WWOX: variants seen among roughly 807,000 people sequenced by gnomAD.
WWOX encodes WW domain-containing oxidoreductase.
A neutral mutation model predicts 46.2 loss-of-function variants in WWOX; 69 were observed. The ratio of observed to expected loss-of-function variants is 1.49; its 90% CI spans 1.23 to 1.82. The LOEUF (loss-of-function observed/expected upper bound fraction) is 1.82, where lower values mean the gene tolerates loss of function less well. Ranked by LOEUF, WWOX falls within the 40% of genes most tolerant of loss-of-function variation. The pLI, the probability that WWOX is intolerant of heterozygous loss-of-function variation, is 0.00. For missense variants in WWOX, 919 were observed against 542.6 expected (o/e 1.69, Z -6.89); for synonymous variants, 359 against 202.6 (o/e 1.77, Z -6.56).
At chr16:78,580,300 C>T (rs1398747065) in intron 8 of WWOX, among the ~76,000 whole-genome samples, 1 of 152,112 alleles carries the variant, frequency 6.6e-6, no homozygotes, top group East Asian at 1.9e-4. Context: ...CCTCAAACTC[C>T]TGCAGTACAG....
intron 5 of WWOX, among the ~76,000 whole-genome samples, chr16:78,324,979 T>C (rs2080579803): frequency 6.6e-6 from 1 of 152,186 alleles, no homozygotes; most frequent in Non-Finnish European, 1.5e-5. Flanking sequence ...TAATCTTTGC[T>C]CCCAGAGAAA....
At chr16:78,638,456 T>G (rs1289578379) in intron 8 of WWOX, among the ~76,000 whole-genome samples, 2 of 152,084 alleles carry the variant, frequency 1.3e-5, no homozygotes, top group Non-Finnish European at 2.9e-5. Context: ...GCAAGCAACA[T>G]CTGAAAGGCC....
intron 5 of WWOX, among the ~76,000 whole-genome samples, chr16:78,311,552 C>T (rs1458337742): frequency 6.6e-6 from 1 of 152,132 alleles, no homozygotes; most frequent in African/African-American, 2.4e-5. Context: ...ACTGGCAATG[C>T]CGTAACAGTG....
At chr16:78,613,247 C>G (rs961156659) in intron 8 of WWOX, among the ~76,000 whole-genome samples, 41 of 152,168 alleles carry the variant, frequency 2.7e-4, no homozygotes, top group Admixed American at 1.8e-3. Flanking sequence ...CCCAACATCT[C>G]TACCTTCTCC....
chr16:78,104,532 C>T (rs1044949380), intron 1 of WWOX, among the ~76,000 whole-genome samples: 4 of 152,038 alleles, frequency 2.6e-5, no homozygotes, highest in South Asian at 4.2e-4. Flanking sequence ...ACACCCCATA[C>T]GTGGAAGTGT....
chr16:78,231,771 G>T (rs771733277), intron 5 of WWOX, among the ~76,000 whole-genome samples: 3 of 152,140 alleles, frequency 2.0e-5, no homozygotes, highest in Non-Finnish European at 4.4e-5. Context: ...GAAATCCAGG[G>T]TAGGAACGGG....
chr16:79,013,009 C>T (rs1232094523), intron 8 of WWOX, among the ~76,000 whole-genome samples: 1 of 152,168 alleles, frequency 6.6e-6, no homozygotes, highest in Non-Finnish European at 1.5e-5. Flanking sequence ...TTGGAGGTTG[C>T]AGTGAGCTGA....
At chr16:78,441,353 G>A (rs942890679) in intron 8 of WWOX, among the ~76,000 whole-genome samples, 2 of 152,166 alleles carry the variant, frequency 1.3e-5, no homozygotes, top group Non-Finnish European at 2.9e-5. Context: ...AAGATGACCA[G>A]GTGCTGAATC....
intron 8 of WWOX, among the ~76,000 whole-genome samples, chr16:78,711,384 A>G (rs780970354): frequency 6.6e-6 from 1 of 152,194 alleles, no homozygotes; most frequent in East Asian, 1.9e-4. Context: ...ATATCTGGCC[A>G]CTGTATATGC....
chr16:78,453,686 G>A (rs572289315), intron 8 of WWOX, among the ~76,000 whole-genome samples: 6 of 152,156 alleles, frequency 3.9e-5, no homozygotes, highest in African/African-American at 1.4e-4. Flanking sequence ...ATTTTAATCA[G>A]TGCTGTATCA....
At chr16:79,091,144 G>C (rs921405572) in intron 8 of WWOX, among the ~76,000 whole-genome samples, 5 of 152,072 alleles carry the variant, frequency 3.3e-5, no homozygotes, top group Non-Finnish European at 7.3e-5. Context: ...GTTTTATTTG[G>C]TTCTGCCCAG....
At chr16:78,248,682 G>C (rs2037893874) in intron 5 of WWOX, among the ~76,000 whole-genome samples, 1 of 151,998 alleles carries the variant, frequency 6.6e-6, no homozygotes, top group Admixed American at 6.6e-5. Flanking sequence ...GTTGCAGTGA[G>C]GTGAGATCGC....
intron 8 of WWOX, among the ~76,000 whole-genome samples, chr16:78,448,936 C>T (rs1200217967): frequency 6.6e-6 from 1 of 152,192 alleles, no homozygotes; most frequent in Non-Finnish European, 1.5e-5. Flanking sequence ...GGTCGGCTAT[C>T]TTGCTTCTAA....
At chr16:78,752,695 C>T (rs2049516535) in intron 8 of WWOX, among the ~76,000 whole-genome samples, 1 of 152,222 alleles carries the variant, frequency 6.6e-6, no homozygotes, top group South Asian at 2.1e-4. Context: ...AGTGGTTTAG[C>T]ATTTATGGAG....
intron 8 of WWOX, among the ~76,000 whole-genome samples, chr16:78,741,421 G>C (rs1283756491): frequency 6.6e-6 from 1 of 152,130 alleles, no homozygotes; most frequent in Admixed American, 6.5e-5. Flanking sequence ...AATAGCTGGC[G>C]TGGTGGCGCA....
intron 5 of WWOX, among the ~76,000 whole-genome samples, chr16:78,364,625 C>T (rs2081491564): frequency 6.8e-6 from 1 of 147,508 alleles, no homozygotes; most frequent in African/African-American, 2.5e-5. Context: ...GTCGTGACTG[C>T]AGCTGACATT....
chr16:78,233,675 T>C (rs972091787), intron 5 of WWOX, among the ~76,000 whole-genome samples: 6 of 152,048 alleles, frequency 3.9e-5, no homozygotes, highest in African/African-American at 7.2e-5. Context: ...TACAGGCGCC[T>C]GCCACTACAC....
At chr16:78,813,665 C>T (rs2051256905) in intron 8 of WWOX, among the ~76,000 whole-genome samples, 1 of 152,018 alleles carries the variant, frequency 6.6e-6, no homozygotes, top group South Asian at 2.1e-4. Flanking sequence ...CAACAAAAGG[C>T]CTCCTTTGAG....
In WWOX at chr16:78,729,550, A is replaced by G. The variant is rs1412914682; in HGVS notation, c.1056+296798A>G. Among the ~76,000 whole-genome samples, 6 of 152,036 alleles carry G rather than the reference A, an allele frequency of 3.9e-5. No individual in the cohort carries two copies. In the East Asian group the frequency reaches 1.2e-3, roughly 30 times the overall value. On this transcript the variant is annotated intron_variant, in intron 8 of 8. Transcript: ENST00000566780. ...AGGCAGAGGGTGAAGTTGTGCATCC[A>G]CAAGCTCAGATATGCCTGGAGCCAT...
Sources: gnomAD v4.1 joint callset for allele counts (sites outside exome capture counted in the v4.1 genomes callset) on GRCh38, gnomAD v4.1.1 for gene constraint, MANE v1.5 for transcripts, NCBI Gene and HGNC (gene_info 2026-07-23, HGNC 2026-07-21) for gene names.